Variants in CHD5 observed in about 807,000 individuals in gnomAD.
CHD5 encodes chromodomain helicase DNA binding protein 5.
A neutral mutation model predicts 230.3 loss-of-function variants in CHD5; 69 were observed. That is an observed-to-expected ratio of 0.30 (90% CI 0.25 to 0.37). CHD5 has a LOEUF of 0.37. CHD5 is among the 10% of genes least tolerant of loss of function. CHD5 has a pLI of 1.00. For synonymous variants in CHD5, 1,064 were observed against 1,065.9 expected (o/e 1.00, Z 0.03); for missense variants, 1,827 against 2,622.8 (o/e 0.70, Z 6.63).
chr1:6,154,905 G>C lies in CHD5; in HGVS notation c.507-7C>G, dbSNP rs201228490. 127 of 1,612,122 alleles carry C rather than the reference G, an allele frequency of 7.9e-5. No homozygotes were observed. The highest frequency in any genetic ancestry group is 1.8e-4 in the Admixed American group (11 of 59,926). On this transcript the variant is annotated splice_region_variant and splice_polypyrimidine_tract_variant and intron_variant, in intron 4 of 41. Transcript: ENST00000262450. The surrounding 1 kb of genome is among the most constrained non-coding windows in gnomAD (Gnocchi z 7.0). ...CTTCTTGGCAATGAGTGGCCTGTAGGGGGAGAGGCAGGAGGGTGAGGGCAA... is the reference window on the plus strand; with the variant it reads ...CTTCTTGGCAATGAGTGGCCTGTAGCGGGAGAGGCAGGAGGGTGAGGGCAA...
chr1:6,146,721 A>G lies in CHD5; in HGVS notation c.1534T>C (p.Phe512Leu). 6.2e-7 allele frequency: 1 copy of G among 1,613,616 alleles called. No individual in the cohort carries two copies. The highest frequency in any genetic ancestry group is 8.5e-7 in the Non-Finnish European group (1 of 1,179,850). The change falls in exon 10 of 42, where the codon TTT (phenylalanine) becomes CTT (leucine). Residue 512 changes from phenylalanine (F) to leucine (L), a missense_variant. By Grantham distance (22) the Phe-to-Leu change is conservative. Around this residue, in one of 14 missense-constraint regions of CHD5, gnomAD observed 657 missense variants for 816.4 expected, o/e 0.80. Transcript: ENST00000262450. The surrounding 1 kb of genome is among the most constrained non-coding windows in gnomAD (Gnocchi z 5.1). ...TAGGACAGCCCTGCCCACTTGACAA[A>G]GAACTCTCTCTCAGGGATGCCCTCC... is the stretch of plus-strand genomic sequence containing the variant. Reference protein sequence around the residue: ...PLEGIPEREFFVKWAGLSYWH... With the variant: ...PLEGIPEREFLVKWAGLSYWH...
chr1:6,135,096 G>A, intron 18 of CHD5, 134 bp downstream of exon 18: 1 of 1,105,008 alleles, frequency 9.0e-7, no homozygotes, highest in Non-Finnish European at 1.3e-6. Context: ...GCCCCACGAA[G>A]AAAGTGTATG....
rs1402884848 is a variant in CHD5, at chr1:6,128,694, G to T, written c.3620-85C>A. On this transcript the variant is annotated intron_variant, in intron 23 of 41. Coordinates refer to ENST00000262450, the MANE Select transcript of CHD5 (RefSeq NM_015557.3). This position sits in a 1 kb window ranked among gnomAD's most constrained non-coding sequence, Gnocchi z 7.8. ...GCAGTGCCCAGAGACACCACCCTGG[G>T]CTGTCCTAGCCAGGAGATACAGGTG... 2.3e-6 allele frequency: 3 copies of T among 1,316,216 alleles called. No individual in the cohort carries two copies. Among genetic ancestry groups the T allele is most frequent in the African/African-American group, 1.5e-5 (1 of 68,874 alleles). The allele number at this position is 1,316,216 out of a possible 1,614,324, so 81.5% of individuals were successfully genotyped here.
Position 6,110,477 on chromosome 1 carries a change from T to C in CHD5, c.5299A>G (p.Ile1767Val). ...TCAGACTTGAAGGGCTCGTTGAGGA[T>C]CATGTACCGTGGGTCATTCTGGATG... is the stretch of plus-strand genomic sequence containing the variant. ...QDIQNDPRYM[I>V]LNEPFKSEVH... is the part of the protein sequence containing the mutation. Residue 1767 changes from isoleucine to valine, a missense_variant, in exon 37 of 42, where the codon ATC becomes GTC. By Grantham distance (29) the Ile-to-Val change is conservative. This residue lies in a region of CHD5 where 208 missense variants were observed against 302.0 expected (regional missense o/e 0.69). Coordinates refer to ENST00000262450, the MANE Select transcript of CHD5 (RefSeq NM_015557.3). 2 of 1,613,990 alleles carry C rather than the reference T, an allele frequency of 1.2e-6. No individual in the cohort carries two copies. The highest frequency in any genetic ancestry group is 8.5e-7 in the Non-Finnish European group (1 of 1,180,022).
intron 33 of CHD5, among the ~76,000 whole-genome samples, chr1:6,117,413 T>A (rs896525372): frequency 2.6e-5 from 4 of 152,152 alleles, no homozygotes; most frequent in African/African-American, 9.7e-5. Flanking sequence ...CATGCATCTA[T>A]ATAAAGAACT....
chr1:6,117,200 C>A (rs1666391374), intron 33 of CHD5, among the ~76,000 whole-genome samples: 1 of 152,062 alleles, frequency 6.6e-6, no homozygotes, highest in Non-Finnish European at 1.5e-5. Flanking sequence ...AATAAGATAA[C>A]AGAATTCCAT....
chr1:6,156,501 A>C (rs1485802188), intron 3 of CHD5, among the ~76,000 whole-genome samples: 1 of 142,778 alleles, frequency 7.0e-6, no homozygotes, highest in East Asian at 2.1e-4. Flanking sequence ...GCGCCACTGC[A>C]CTCCAGCCTG....
At chr1:6,147,245 C>A (rs954462765) in intron 9 of CHD5, among the ~76,000 whole-genome samples, 2 of 152,200 alleles carry the variant, frequency 1.3e-5, no homozygotes, top group South Asian at 4.1e-4. Context: ...ACTTCCCCTA[C>A]CTTAGGTCTT....
rs1285093884 is a variant in CHD5 at position 6,106,514 on chromosome 1, A to C, written c.5743-5T>G. ...CTGGGAGGAGCCGAAAGCGCCCTGG[A>C]GGCAAGGACTCAGCTTCACAGGTGG... On this transcript the variant is annotated splice_polypyrimidine_tract_variant and splice_region_variant and intron_variant, in intron 39 of 41. Transcript: ENST00000262450. 6.4e-7 allele frequency: 1 copy of C among 1,551,282 alleles called. No homozygotes were observed. Among genetic ancestry groups the C allele is most frequent in the South Asian group, 1.2e-5 (1 of 84,356 alleles).
rs1397903786 is a variant in CHD5 at position 6,142,156 on chromosome 1, C to T, written c.2408G>A (p.Arg803Gln). 5 of 1,614,158 alleles carry T rather than the reference C, an allele frequency of 3.1e-6. No homozygotes were observed. The highest frequency in any genetic ancestry group is 2.5e-6 in the Non-Finnish European group (3 of 1,179,994). The change falls in exon 15 of 42, where the codon CGG becomes CAG. Residue 803 changes from arginine to glutamine, a missense_variant. Transcript: ENST00000262450. The surrounding 1 kb of genome is among the most constrained non-coding windows in gnomAD (Gnocchi z 5.2). ...CATACGGAATACCTTCTTCCCACTC[C>T]GAATGGCGTTGTCCTCAAAGGAAAA... ...NEFSFEDNAI[R>Q]SGKKVFRMKK...
intron 1 of CHD5, among the ~76,000 whole-genome samples, chr1:6,170,308 G>T (rs1179580060): frequency 6.6e-6 from 1 of 152,130 alleles, no homozygotes; most frequent in Non-Finnish European, 1.5e-5. Flanking sequence ...GCCCGGCCTG[G>T]GACCCCCAGA....
intron 15 of CHD5, 46 bp from the exon 16 acceptor site, chr1:6,136,911 C>A (rs940434677): frequency 1.9e-6 from 3 of 1,554,040 alleles, no homozygotes; most frequent in Non-Finnish European, 1.7e-6. Context: ...GGGAGCAGAG[C>A]GGATCACAGT....
chr1:6,147,264 C>T (rs1274499204), intron 9 of CHD5, among the ~76,000 whole-genome samples: 2 of 152,200 alleles, frequency 1.3e-5, no homozygotes, highest in African/African-American at 4.8e-5. Context: ...TTCCCATTGC[C>T]CCCTGAAAAG....
Position 6,105,577 on chromosome 1 carries a change from G to A in CHD5, c.*47-150C>T, listed in dbSNP as rs946203490. 3.8e-5 allele frequency: 13 copies of A among 339,922 alleles called. No homozygotes were observed. The highest frequency in any genetic ancestry group is 1.3e-4 in the Admixed American group (3 of 22,364). 21.1% of individuals were successfully genotyped at this position (339,922 alleles called of 1,614,324 possible). On this transcript the variant is annotated intron_variant, in intron 41 of 41. Coordinates refer to ENST00000262450, the MANE Select transcript of CHD5 (RefSeq NM_015557.3). The surrounding 1 kb of genome is among the most constrained non-coding windows in gnomAD (Gnocchi z 4.8). ...CATGACCTCCCAGCCACAGGCTGCCGGGCCAGGCCATGAGCTACACCCAGA... is the reference window on the plus strand; with the variant it reads ...CATGACCTCCCAGCCACAGGCTGCCAGGCCAGGCCATGAGCTACACCCAGA...
intron 33 of CHD5, among the ~76,000 whole-genome samples, chr1:6,118,623 T>C (rs1309741422): frequency 6.6e-6 from 1 of 152,024 alleles, no homozygotes; most frequent in Non-Finnish European, 1.5e-5. Context: ...TTGAAGTGAT[T>C]AAATGTTCTG....
At chr1:6,148,672 G>A (rs1666948499) in intron 9 of CHD5, among the ~76,000 whole-genome samples, 182 bp downstream of exon 9, 1 of 152,178 alleles carries the variant, frequency 6.6e-6, no homozygotes, top group South Asian at 2.1e-4. Context: ...AGAAGGGCGC[G>A]AGGAAGCTAT....
chr1:6,111,254 C>T (rs1231393915), intron 36 of CHD5, among the ~76,000 whole-genome samples: 1 of 149,886 alleles, frequency 6.7e-6, no homozygotes, highest in Non-Finnish European at 1.5e-5. Flanking sequence ...AAGAAAAAGG[C>T]CGGGTGTGGT....
intron 33 of CHD5, among the ~76,000 whole-genome samples, chr1:6,119,975 C>A (rs541583305): frequency 1.3e-5 from 2 of 151,944 alleles, no homozygotes; most frequent in African/African-American, 2.4e-5. Flanking sequence ...ATTCTCCTGC[C>A]TCAGTCTCCT....
At chr1:6,119,003 G>A (rs1217536076) in intron 33 of CHD5, among the ~76,000 whole-genome samples, 1 of 149,780 alleles carries the variant, frequency 6.7e-6, no homozygotes, top group Non-Finnish European at 1.5e-5. Context: ...CGACCTGAAT[G>A]GTATACTTTA....
Sources: allele counts gnomAD v4.1 joint callset (sites outside exome capture counted in the v4.1 genomes callset), GRCh38; gene constraint gnomAD v4.1.1; regional missense constraint gnomAD v4.1.1; non-coding constraint Gnocchi (gnomAD v3.1); transcripts MANE v1.5; gene names NCBI Gene and HGNC (gene_info 2026-07-23, HGNC 2026-07-21).